Variants in FBLN1 observed in about 807,000 individuals in gnomAD.
The protein encoded by FBLN1 is fibulin-1.
FBLN1 carries 34 observed loss-of-function variants against 89.7 expected under a neutral mutation model. That is an observed-to-expected ratio of 0.38 (90% confidence interval 0.29 to 0.50). The LOEUF (loss-of-function observed/expected upper bound fraction) is 0.50, where lower values mean the gene tolerates loss of function less well. FBLN1 is among the 20% of genes least tolerant of loss of function. The pLI, the probability that FBLN1 is intolerant of heterozygous loss-of-function variation, is 0.92. For missense variants in FBLN1, 777 were observed against 988.1 expected, an observed-to-expected ratio of 0.79 and a Z score of 2.86; for synonymous variants, 393 against 391.3, an observed-to-expected ratio of 1.00 and a Z score of -0.05.
chr22:45,525,501 C>T (rs760941976), intron 2 of FBLN1, 42 bp from the exon 3 acceptor site: 102 of 1,547,236 alleles, frequency 6.6e-5, no homozygotes, highest in Non-Finnish European at 8.7e-5. Context: ...CCCTGGGCCC[C>T]CTGCGCACAG....
At chr22:45,508,112 C>G (rs1260422965) in intron 1 of FBLN1, among the ~76,000 whole-genome samples, 1 of 152,028 alleles carries the variant, frequency 6.6e-6, no homozygotes, top group East Asian at 1.9e-4. Context: ...CCTAGCCCTG[C>G]AAAGGAGGTG....
At chr22:45,514,705 T>C (rs946118890) in intron 1 of FBLN1, among the ~76,000 whole-genome samples, 6 of 152,182 alleles carry the variant, frequency 3.9e-5, no homozygotes, top group African/African-American at 1.4e-4. Flanking sequence ...TGGCTCTGTT[T>C]AACTGGTGCT....
At chr22:45,584,072 G>A (rs1410899969) in intron 16 of FBLN1, among the ~76,000 whole-genome samples, 2 of 152,282 alleles carry the variant, frequency 1.3e-5, no homozygotes, top group African/African-American at 4.8e-5. Flanking sequence ...TGGGTCAACC[G>A]CCTTAAGGAA....
intron 11 of FBLN1, among the ~76,000 whole-genome samples, chr22:45,544,259 G>A (rs2088597074): frequency 6.6e-6 from 1 of 152,144 alleles, no homozygotes; most frequent in Non-Finnish European, 1.5e-5. Flanking sequence ...GCTAATTTTT[G>A]TATTTTTAGT....
chr22:45,536,155 C>T lies in FBLN1; in HGVS notation c.922+818C>T, dbSNP rs1174789683. Among the ~76,000 whole-genome samples, 1 of 151,990 alleles carries T rather than the reference C, an allele frequency of 6.6e-6. No homozygotes were observed. On this transcript the variant is annotated intron_variant, in intron 8 of 16. Coordinates refer to ENST00000327858, the MANE Select transcript of FBLN1 (RefSeq NM_006486.3). This position sits in a 1 kb window ranked among gnomAD's most constrained non-coding sequence, Gnocchi z 5.1. The stretch of plus-strand genomic sequence containing the variant: ...TGCTACTGCACTCCAGTCTGGGCAA[C>T]AGAGCAAGACCCTGTCTCAAAAATA...
chr22:45,594,720 G>A (rs1175574150), intron 16 of FBLN1, among the ~76,000 whole-genome samples: 1 of 148,262 alleles, frequency 6.7e-6, no homozygotes, highest in African/African-American at 2.6e-5. Flanking sequence ...ATGGATGGAT[G>A]GATGGATGGA....
intron 14 of FBLN1, chr22:45,551,236 T>C (rs909583221): frequency 1.2e-5 from 2 of 170,822 alleles, no homozygotes; most frequent in Admixed American, 1.1e-4. Flanking sequence ...TGCCCCTAAT[T>C]GTATTCAGAA....
intron 12 of FBLN1, 130 bp downstream of exon 12, chr22:45,547,334 A>AAGGGTGGACATGGAAGG: frequency 8.8e-7 from 1 of 1,139,156 alleles, no homozygotes; most frequent in Non-Finnish European, 1.2e-6. Flanking sequence ...CAAACCTTCC[A>AAGGGTGGACATGGAAGG]TGTCCACCCT....
At chr22:45,559,641 C>T (rs1337892350) in intron 14 of FBLN1, among the ~76,000 whole-genome samples, 1 of 152,174 alleles carries the variant, frequency 6.6e-6, no homozygotes, top group East Asian at 1.9e-4. Context: ...CAGACCTGAG[C>T]TAAAACTCCA....
rs1569260423 is a variant in FBLN1, at chr22:45,568,781, CCTCCTGTAAGGGAATGCCT to C, written c.1698-5727_1698-5709del. On this transcript the variant is annotated intron_variant, in intron 14 of 16. Transcript: ENST00000327858. ...AGTGCTCCTTCTGTAAGGGAATGCT[CCTCCTGTAAGGGAATGCCT>C]CTTCTGTAGGGGAATGCTCCTCCTG... Among the ~76,000 whole-genome samples, 24 of 30,948 alleles carry C rather than the reference CCTCCTGTAAGGGAATGCCT, an allele frequency of 7.8e-4. 8 individuals are homozygous for C. Among genetic ancestry groups the C allele is most frequent in the African/African-American group, 3.7e-3 (23 of 6,180 alleles). 20.3% of individuals were successfully genotyped at this position (30,948 alleles called of 152,430 possible).
chr22:45,552,479 T>C (rs2088717185), intron 14 of FBLN1, among the ~76,000 whole-genome samples: 1 of 152,240 alleles, frequency 6.6e-6, no homozygotes, highest in African/African-American at 2.4e-5. Context: ...GACTGGAGTT[T>C]TGTATTTTAC....
chr22:45,534,014 G>T lies in FBLN1; in HGVS notation c.784+116G>T. The T allele has an allele frequency of 4.2e-6, 6 of 1,418,756 alleles. No homozygotes were observed. In the Admixed American group the frequency reaches 1.0e-4, roughly 24 times the overall value. The allele number at this position is 1,418,756 out of a possible 1,614,324, so 87.9% of individuals were successfully genotyped here. A position where few individuals can be genotyped will look rare whatever the true frequency, so the allele number is the denominator to read the frequency against. ...AGTCCTGCGCCCTCTGTGGCTGCCT[G>T]GGCGACTGCCTGCTCATCTGCAGGA... On this transcript the variant is annotated intron_variant, in intron 7 of 16. Transcript: ENST00000327858.
chr22:45,591,010 G>A (rs935484327), intron 16 of FBLN1, among the ~76,000 whole-genome samples: 16 of 152,098 alleles, frequency 1.1e-4, no homozygotes, highest in Admixed American at 7.9e-4. Flanking sequence ...CGGAGGGAGG[G>A]GACATGATTT....
Position 45,597,088 on chromosome 22 carries a change from A to G in FBLN1, c.1973-3219A>G, listed in dbSNP as rs2089193928. Among the ~76,000 whole-genome samples, 1 of 151,808 alleles carries G rather than the reference A, an allele frequency of 6.6e-6. No individual in the cohort carries two copies. The highest frequency in any genetic ancestry group is 2.4e-5 in the African/African-American group (1 of 41,360). On this transcript the variant is annotated intron_variant, in intron 16 of 16. Coordinates refer to ENST00000327858, the MANE Select transcript of FBLN1 (RefSeq NM_006486.3). This position sits in a 1 kb window ranked among gnomAD's most constrained non-coding sequence, Gnocchi z 4.2. ...ACAATCTTGGCTCATTGCAACCTTG[A>G]CCTTCCCGGGCTCAAACAATTCTGC...
At chr22:45,541,203 A>G (rs2088550688) in intron 8 of FBLN1, 26 bp from the exon 9 acceptor site, 1 of 1,614,170 alleles carries the variant, frequency 6.2e-7, no homozygotes, top group Non-Finnish European at 8.5e-7. Flanking sequence ...GTTTAACCAC[A>G]TGGTCTCTGT....
In FBLN1 at chr22:45,535,258, T is replaced by C. The variant is rs2088468529; in HGVS notation, c.843T>C (p.Asn281=). ...GCCTCCCCGATTTTATCTGTCAGAA[T>C]ACTCTGGGATCCTTCCGCTGCCGAC... The part of the protein sequence containing the change: ...HNCLPDFICQ[N]TLGSFRCRPK... The change falls in exon 8 of 17, where the codon AAT becomes AAC. Residue 281 remains asparagine (N), a synonymous_variant. Transcript: ENST00000327858. 1 of 1,614,100 alleles carries C rather than the reference T, an allele frequency of 6.2e-7. No homozygotes were observed. The highest frequency in any genetic ancestry group is 8.5e-7 in the Non-Finnish European group (1 of 1,180,026).
At chr22:45,586,821 C>T (rs1171711753) in intron 16 of FBLN1, among the ~76,000 whole-genome samples, 4 of 151,930 alleles carry the variant, frequency 2.6e-5, no homozygotes, top group East Asian at 3.9e-4. Context: ...GGAGTCAGCC[C>T]GAGGGCCCAG....
intron 14 of FBLN1, among the ~76,000 whole-genome samples, chr22:45,553,557 C>A (rs764816874): frequency 6.6e-6 from 1 of 152,296 alleles, no homozygotes; most frequent in East Asian, 1.9e-4. Flanking sequence ...TTGAGTAGAG[C>A]GAAGTACGAT....
chr22:45,551,849 C>T (rs2088706255), intron 14 of FBLN1, among the ~76,000 whole-genome samples: 1 of 152,254 alleles, frequency 6.6e-6, no homozygotes, highest in South Asian at 2.1e-4. Flanking sequence ...TTGTCAGCGC[C>T]TGGGCTTGAG....
Sources: allele counts gnomAD v4.1 joint callset (sites outside exome capture counted in the v4.1 genomes callset), GRCh38; gene constraint gnomAD v4.1.1; non-coding constraint Gnocchi (gnomAD v3.1); transcripts MANE v1.5; gene names NCBI Gene and HGNC (gene_info 2026-07-23, HGNC 2026-07-21).